Variants in CNGA4 observed in about 807,000 individuals in gnomAD.
The protein encoded by CNGA4 is cyclic nucleotide gated channel subunit alpha 4.
In CNGA4, 32 loss-of-function variants were observed where a neutral mutation model predicts 45.6. The ratio of observed to expected loss-of-function variants is 0.70; its 90% CI spans 0.53 to 0.94. The LOEUF (loss-of-function observed/expected upper bound fraction) is 0.94, where lower values mean the gene tolerates loss of function less well. CNGA4 is among the 40% of genes least tolerant of loss of function. The pLI is 0.00. For missense variants in CNGA4, 726 were observed against 755.1 expected (o/e 0.96, Z 0.45); for synonymous variants, 293 against 304.6 (o/e 0.96, Z 0.40).
Position 6,239,493 on chromosome 11 carries a change from A to G in CNGA4, c.164+8A>G. ...CATCATCCTCGTGTGCAGGTATGGC[A>G]GCGGTGCTAAGGGAGGGGCTGGAAG... On this transcript the variant is annotated splice_region_variant and intron_variant, in intron 2 of 5. Coordinates refer to ENST00000379936, the MANE Select transcript of CNGA4 (RefSeq NM_001037329.4). 1.2e-6 allele frequency: 2 copies of G among 1,613,684 alleles called. No individual in the cohort carries two copies. The highest frequency in any genetic ancestry group is 1.7e-6 in the Non-Finnish European group (2 of 1,179,594).
chr11:6,235,814 C>T (rs564703602), upstream of CNGA4, among the ~76,000 whole-genome samples: 67 of 152,086 alleles, frequency 4.4e-4, 1 homozygote, highest in South Asian at 0.013. Flanking sequence ...TGGCGCGCGC[C>T]TGTAATCCCA....
rs1164189465 is a variant in CNGA4 at position 6,244,032 on chromosome 11, C to T, written c.1351C>T (p.Arg451Trp). The T allele has an allele frequency of 5.6e-6, 9 of 1,614,120 alleles. No homozygotes were observed. Among genetic ancestry groups the T allele is most frequent in the Middle Eastern group, 1.6e-4 (1 of 6,062 alleles). The change falls in exon 6 of 6, where the codon CGG (arginine) becomes TGG (tryptophan). Residue 451 changes from arginine to tryptophan, a missense_variant. Transcript: ENST00000379936. The surrounding 1 kb of genome is among the most constrained non-coding windows in gnomAD (Gnocchi z 4.5). ...ATTCTGCCTGAGCAAGGAGGACCTG[C>T]GGGAGGTGCTGAGCGAGTATCCACA... The part of the protein sequence containing the change: ...DLFCLSKEDL[R>W]EVLSEYPQAQ...
Position 6,243,931 on chromosome 11 carries a change from T to A in CNGA4, c.1268-18T>A, listed in dbSNP as rs766643076. On this transcript the variant is annotated intron_variant, in intron 5 of 5. Coordinates refer to ENST00000379936, the MANE Select transcript of CNGA4 (RefSeq NM_001037329.4). ...CCCTCCTACTAACTGTCCTCCCATC[T>A]CTGCCCATGAGCCACAGGGAACATG... The A allele has an allele frequency of 1.0e-5, 16 of 1,606,464 alleles. No individual in the cohort carries two copies. The highest frequency in any genetic ancestry group is 3.3e-5 in the Admixed American group (2 of 59,708).
At position 6,241,624 on chromosome 11, in the gene CNGA4, C is replaced by G; in HGVS notation, c.1111C>G (p.Pro371Ala). Residue 371 changes from proline to alanine, a missense_variant, in exon 5 of 6, where the codon CCA becomes GCA. Pro to Ala is a conservative substitution (Grantham distance 27, BLOSUM62 -1). Transcript: ENST00000379936. ...VLKLQPQTYSPGEYVCRKGDI... is the reference protein window; with the variant it reads ...VLKLQPQTYSAGEYVCRKGDI... ...GAAGCTGCAGCCCCAGACCTACTCA[C>G]CAGGTGAATATGTATGCCGCAAAGG... 1 of 1,614,206 alleles carries G rather than the reference C, an allele frequency of 6.2e-7. No individual in the cohort carries two copies. Among genetic ancestry groups the G allele is most frequent in the Non-Finnish European group, 8.5e-7 (1 of 1,180,040 alleles).
chr11:6,242,783 G>A (rs1252551908), intron 5 of CNGA4, among the ~76,000 whole-genome samples: 3 of 152,226 alleles, frequency 2.0e-5, no homozygotes, highest in Non-Finnish European at 4.4e-5. Flanking sequence ...TACAGCAAGT[G>A]TTCAACAAAT....
rs1448262546 is a variant in CNGA4 at position 6,240,172 on chromosome 11, T to C, written c.378T>C (p.Asp126=). ...ACCTGGCTTCCCTGATGCCCACAGA[T>C]GTGGTCTACGTGCGGCTGGGCCCGC... The part of the protein sequence containing the change: ...FLDLASLMPT[D]VVYVRLGPHT... Residue 126 remains aspartate, a synonymous_variant, in exon 4 of 6, where the codon GAT becomes GAC. Coordinates refer to ENST00000379936, the MANE Select transcript of CNGA4 (RefSeq NM_001037329.4). This position sits in a 1 kb window ranked among gnomAD's most constrained non-coding sequence, Gnocchi z 4.9. The C allele has an allele frequency of 1.9e-6, 3 of 1,614,218 alleles. No homozygotes were observed. The highest frequency in any genetic ancestry group is 2.5e-6 in the Non-Finnish European group (3 of 1,180,046).
At chr11:6,239,962 C>G in intron 3 of CNGA4, 104 bp from the exon 4 acceptor site, 4 of 1,451,448 alleles carry the variant, frequency 2.8e-6, no homozygotes, top group Non-Finnish European at 3.8e-6. Context: ...ATGCCTGGCT[C>G]CACTCTGTCC....
chr11:6,240,439 G>A lies in CNGA4; in HGVS notation c.645G>A (p.Arg215=). 6.2e-7 allele frequency: 1 copy of A among 1,614,236 alleles called. No homozygotes were observed. Among genetic ancestry groups the A allele is most frequent in the South Asian group, 1.1e-5 (1 of 91,088 alleles). Residue 215 remains arginine (R), a synonymous_variant, in exon 4 of 6, where the codon CGG becomes CGA. Transcript: ENST00000379936. This position sits in a 1 kb window ranked among gnomAD's most constrained non-coding sequence, Gnocchi z 4.9. Reference sequence around the variant, plus strand: ...CGCAGCCTGGCTTTGAGCGCCTGCGGCGCCAGTACCTCTATAGCTTTTACT... The same window carrying A: ...CGCAGCCTGGCTTTGAGCGCCTGCGACGCCAGTACCTCTATAGCTTTTACT... The part of the protein sequence containing the change: ...DPAQPGFERL[R]RQYLYSFYFS...
At chr11:6,242,022 C>T in intron 5 of CNGA4, 1 of 550,372 alleles carries the variant, frequency 1.8e-6, no homozygotes, top group Non-Finnish European at 3.2e-6. Flanking sequence ...TAGACTTGCT[C>T]TGTGGATATT....
chr11:6,237,961 G>C (rs1024449586), upstream of CNGA4, among the ~76,000 whole-genome samples: 1 of 152,158 alleles, frequency 6.6e-6, no homozygotes, highest in African/African-American at 2.4e-5. Context: ...CTACCCGCTA[G>C]GCCCTCTAAA....
downstream of CNGA4, among the ~76,000 whole-genome samples, chr11:6,244,693 A>C (rs953231949): frequency 5.3e-5 from 8 of 151,806 alleles, no homozygotes; most frequent in African/African-American, 1.9e-4. This position sits in a 1 kb window ranked among gnomAD's most constrained non-coding sequence, Gnocchi z 4.5. Flanking sequence ...TGGAATTTCC[A>C]TTCTCAGAGC....
chr11:6,241,089 T>C (rs1437865686), intron 4 of CNGA4, among the ~76,000 whole-genome samples: 1 of 152,096 alleles, frequency 6.6e-6, no homozygotes, highest in African/African-American at 2.4e-5. Flanking sequence ...ATTCATACTG[T>C]GGACTGAACA....
upstream of CNGA4, chr11:6,238,926 C>T (rs540514271): frequency 1.1e-5 from 5 of 452,668 alleles, no homozygotes; most frequent in South Asian, 3.7e-4. Context: ...CTGAGGCATG[C>T]ACCCCCACCT....
Position 6,240,461 on chromosome 11 carries a change from T to C in CNGA4, c.667T>C (p.Tyr223His), listed in dbSNP as rs1270275912. The change falls in exon 4 of 6, where the codon TAC (tyrosine) becomes CAC (histidine). Residue 223 changes from tyrosine to histidine, a missense_variant. Tyr to His is a moderately conservative substitution (Grantham distance 83). Transcript: ENST00000379936. This position sits in a 1 kb window ranked among gnomAD's most constrained non-coding sequence, Gnocchi z 4.9. ...GCGGCGCCAGTACCTCTATAGCTTT[T>C]ACTTCTCCACGCTGATACTGACTAC... The part of the protein sequence containing the change: ...RLRRQYLYSF[Y>H]FSTLILTTVG... 1.9e-6 allele frequency: 3 copies of C among 1,614,108 alleles called. No individual in the cohort carries two copies. The highest frequency in any genetic ancestry group is 2.5e-6 in the Non-Finnish European group (3 of 1,180,038).
At chr11:6,243,808 G>A (rs1357782606) in intron 5 of CNGA4, 141 bp from the exon 6 acceptor site, 6 of 739,586 alleles carry the variant, frequency 8.1e-6, no homozygotes, top group African/African-American at 1.8e-5. Flanking sequence ...TCCCCAGTAT[G>A]TTACTAAATG....
intron 5 of CNGA4, among the ~76,000 whole-genome samples, 162 bp from the exon 6 acceptor site, chr11:6,243,787 A>G (rs112494651): frequency 6.6e-6 from 1 of 152,184 alleles, no homozygotes; most frequent in Admixed American, 6.5e-5. Context: ...CCTACCCAGC[A>G]TGGAGCCTGG....
Position 6,240,765 on chromosome 11 carries a change from T to G in CNGA4, c.917+54T>G. ...AGGGACCAGTGTAGGTGATGGAACC[T>G]GAGGGAGGTAACTGGGTCCTTAGTG... On this transcript the variant is annotated intron_variant, in intron 4 of 5. Coordinates refer to ENST00000379936, the MANE Select transcript of CNGA4 (RefSeq NM_001037329.4). The surrounding 1 kb of genome is among the most constrained non-coding windows in gnomAD (Gnocchi z 4.9). 3.2e-6 allele frequency: 5 copies of G among 1,567,278 alleles called. No homozygotes were observed. Among genetic ancestry groups the G allele is most frequent in the Non-Finnish European group, 4.3e-6 (5 of 1,152,300 alleles).
At chr11:6,239,625 G>A (rs1321491683) in intron 2 of CNGA4, 59 bp from the exon 3 acceptor site, 3 of 1,579,842 alleles carry the variant, frequency 1.9e-6, no homozygotes, top group Admixed American at 3.4e-5. Context: ...GGGCCCTGGG[G>A]AGACGCCTCG....
rs764628962 is a variant in CNGA4, at chr11:6,240,147, AC to A, written c.355del (p.Leu119TrpfsTer4). On this transcript the variant is annotated frameshift_variant, in exon 4 of 6. Coordinates refer to ENST00000379936, the MANE Select transcript of CNGA4 (RefSeq NM_001037329.4). LOFTEE classifies it high-confidence loss of function. This position sits in a 1 kb window ranked among gnomAD's most constrained non-coding sequence, Gnocchi z 4.9. ...RYVRTWSFFL[D>X]LASLMPTDVV... is the part of the protein sequence containing the mutation. ...GTTCGCACCTGGAGTTTCTTCTTGG[AC>A]CTGGCTTCCCTGATGCCCACAGATG... The A allele has an allele frequency of 2.5e-6, 4 of 1,613,996 alleles. No homozygotes were observed. In the African/African-American group the frequency reaches 5.3e-5, roughly 22 times the overall value.
Sources: allele counts gnomAD v4.1 joint callset (sites outside exome capture counted in the v4.1 genomes callset), GRCh38; gene constraint gnomAD v4.1.1; non-coding constraint Gnocchi (gnomAD v3.1); transcripts MANE v1.5; gene names NCBI Gene and HGNC (gene_info 2026-07-23, HGNC 2026-07-21).